The following NDFIP2 variants were observed in gnomAD, a reference collection of about 807,000 sequenced individuals.
The protein encoded by NDFIP2 is NEDD4 family-interacting protein 2.
A neutral mutation model predicts 36.0 loss-of-function variants in NDFIP2; 19 were observed. The observed-to-expected ratio is 0.53, with a 90% CI of 0.37 to 0.77. The LOEUF (loss-of-function observed/expected upper bound fraction) is 0.77. Among genes scored for constraint, NDFIP2 ranks in the 30% least tolerant of loss-of-function variants. The pLI is 0.00. For synonymous variants in NDFIP2, 181 were observed against 167.7 expected (o/e 1.08, Z -0.61); for missense variants, 446 against 435.8 (o/e 1.02, Z -0.21).
chr13:79,493,596 C>T (rs561709543), intron 1 of NDFIP2, among the ~76,000 whole-genome samples: 238 of 152,076 alleles, frequency 1.6e-3, no homozygotes, highest in African/African-American at 5.2e-3. Flanking sequence ...GAAGACTATC[C>T]GAGGGAGGTT....
In NDFIP2 at chr13:79,554,965, A is replaced by G. The variant is rs1263347336; in HGVS notation, c.*2452A>G. Reference sequence around the variant, plus strand: ...AAAACAACACTTTTCTATATAGTGTATGCAGGACAGATTTTAGAAACTTAG... The same window carrying G: ...AAAACAACACTTTTCTATATAGTGTGTGCAGGACAGATTTTAGAAACTTAG... On this transcript the variant is annotated 3_prime_UTR_variant, in exon 8 of 8. Transcript: ENST00000218652. The G allele has an allele frequency of 3.3e-5, 5 of 151,940 alleles. No individual in the cohort carries two copies. Among genetic ancestry groups the G allele is most frequent in the Admixed American group, 3.3e-4 (5 of 15,216 alleles). The allele number at this position is 151,940 out of a possible 1,614,324, so 9.4% of individuals were successfully genotyped here. A position where few individuals can be genotyped will look rare whatever the true frequency, so the allele number is the denominator to read the frequency against.
At chr13:79,539,830 T>C in intron 4 of NDFIP2, 55 bp downstream of exon 4, 1 of 1,409,974 alleles carries the variant, frequency 7.1e-7, no homozygotes, top group Non-Finnish European at 1.0e-6. Context: ...GCTGTATGTG[T>C]ATTAAAGTAA....
In NDFIP2 at chr13:79,553,544, T is replaced by C. The variant is rs1259459155; in HGVS notation, c.*1031T>C. On this transcript the variant is annotated 3_prime_UTR_variant, in exon 8 of 8. Coordinates refer to ENST00000218652, the MANE Select transcript of NDFIP2 (RefSeq NM_019080.3). ...TTTCAGTATCATTGTAATAATTTTT[T>C]AGAGTTTAATTTGTAAAGCTTAGCA... is the stretch of plus-strand genomic sequence containing the variant. 6.6e-6 allele frequency: 1 copy of C among 151,718 alleles called. No homozygotes were observed. Among genetic ancestry groups the C allele is most frequent in the East Asian group, 1.9e-4 (1 of 5,208 alleles). 9.4% of individuals were successfully genotyped at this position (151,718 alleles called of 1,614,324 possible). A position where few individuals can be genotyped will look rare whatever the true frequency, so the allele number is the denominator to read the frequency against.
intron 2 of NDFIP2, among the ~76,000 whole-genome samples, chr13:79,529,852 G>C (rs952627034): frequency 6.6e-6 from 1 of 152,152 alleles, no homozygotes; most frequent in South Asian, 2.1e-4. Flanking sequence ...AATATTGCTG[G>C]TTCATTTTCA....
intron 1 of NDFIP2, among the ~76,000 whole-genome samples, chr13:79,516,325 C>T (rs996894538): frequency 6.6e-6 from 1 of 152,142 alleles, no homozygotes; most frequent in Non-Finnish European, 1.5e-5. Context: ...GCGATCACTG[C>T]TCACTGCAGC....
chr13:79,516,633 G>T (rs1255830470), intron 1 of NDFIP2, among the ~76,000 whole-genome samples: 1 of 152,052 alleles, frequency 6.6e-6, no homozygotes, highest in Non-Finnish European at 1.5e-5. Context: ...TGGTTTTTTA[G>T]ATCACTTTTT....
At chr13:79,492,945 A>C (rs985399665) in intron 1 of NDFIP2, among the ~76,000 whole-genome samples, 1 of 151,964 alleles carries the variant, frequency 6.6e-6, no homozygotes, top group East Asian at 1.9e-4. Context: ...CTATATTTAG[A>C]TGTTATTTTC....
chr13:79,524,335 C>G (rs1465433108), intron 2 of NDFIP2, among the ~76,000 whole-genome samples: 3 of 152,228 alleles, frequency 2.0e-5, no homozygotes, highest in Non-Finnish European at 2.9e-5. Flanking sequence ...TCCAAACATT[C>G]TTCAGGGAGA....
chr13:79,515,923 CTTT>C (rs1212192583), intron 1 of NDFIP2, among the ~76,000 whole-genome samples: 1 of 40,132 alleles, frequency 2.5e-5, no homozygotes, highest in Non-Finnish European at 5.1e-5. Flanking sequence ...TAAGGTTTTT[CTTT>C]TTTTTTTTTT....
chr13:79,531,707 T>C (rs1485264468), intron 2 of NDFIP2, among the ~76,000 whole-genome samples: 1 of 152,216 alleles, frequency 6.6e-6, no homozygotes, highest in African/African-American at 2.4e-5. Flanking sequence ...TCAGTCTTCA[T>C]AGAATTGAAG....
intron 5 of NDFIP2, among the ~76,000 whole-genome samples, chr13:79,546,089 C>G (rs1367557361): frequency 6.6e-6 from 1 of 152,146 alleles, no homozygotes; most frequent in Non-Finnish European, 1.5e-5. Flanking sequence ...GCCTATTTTC[C>G]TATTTCTGTA....
intron 5 of NDFIP2, 32 bp downstream of exon 5, chr13:79,543,714 T>C (rs374097357): frequency 7.5e-6 from 12 of 1,603,648 alleles, no homozygotes; most frequent in African/African-American, 4.0e-5. Flanking sequence ...ATCTCTTTTA[T>C]CTCTAAAATG....
chr13:79,544,098 ATTGTGATATAGTGCAGGTATGCC>A (rs1470705464), intron 5 of NDFIP2, among the ~76,000 whole-genome samples: 1 of 152,164 alleles, frequency 6.6e-6, no homozygotes, highest in Non-Finnish European at 1.5e-5. Context: ...GGCTACTATT[ATTGTGATATAGTGCAGGTATGCC>A]TAAATTAAGT....
At chr13:79,537,703 T>C (rs1875296343) in intron 3 of NDFIP2, among the ~76,000 whole-genome samples, 1 of 152,184 alleles carries the variant, frequency 6.6e-6, no homozygotes, top group African/African-American at 2.4e-5. Flanking sequence ...ACTACCATGA[T>C]TGTGTGGAAA....
At chr13:79,496,003 T>A (rs1373115916) in intron 1 of NDFIP2, among the ~76,000 whole-genome samples, 4 of 151,912 alleles carry the variant, frequency 2.6e-5, no homozygotes, top group Admixed American at 1.3e-4. Flanking sequence ...GTGTGATAGT[T>A]GTCATATGTA....
chr13:79,501,537 A>T (rs1051980970), intron 1 of NDFIP2, among the ~76,000 whole-genome samples: 1 of 152,046 alleles, frequency 6.6e-6, no homozygotes, highest in Non-Finnish European at 1.5e-5. Flanking sequence ...GCTAACTTTG[A>T]GAGAGGGAAA....
At chr13:79,525,811 CTG>C (rs1874772686) in intron 2 of NDFIP2, among the ~76,000 whole-genome samples, 3 of 152,186 alleles carry the variant, frequency 2.0e-5, no homozygotes, top group Admixed American at 2.0e-4. Context: ...CTTGGGGTCA[CTG>C]AAACTGTGGA....
At chr13:79,481,564 C>A (rs537164968) in intron 1 of NDFIP2, 40 bp downstream of exon 1, 74 of 1,515,050 alleles carry the variant, frequency 4.9e-5, no homozygotes, top group Non-Finnish European at 6.3e-5. Flanking sequence ...GACTGCCTCC[C>A]GCCGCGGCGT....
At chr13:79,494,614 C>G (rs938608111) in intron 1 of NDFIP2, among the ~76,000 whole-genome samples, 2 of 151,942 alleles carry the variant, frequency 1.3e-5, no homozygotes, top group African/African-American at 2.4e-5. Context: ...TGTTTGCTCT[C>G]TAAGCCTGAT....
Sources: gnomAD v4.1 joint callset for allele counts (sites outside exome capture counted in the v4.1 genomes callset) on GRCh38, gnomAD v4.1.1 for gene constraint, MANE v1.5 for transcripts, NCBI Gene and HGNC (gene_info 2026-07-23, HGNC 2026-07-21) for gene names.